The following DCC variants were observed in gnomAD, a reference collection of about 807,000 sequenced individuals.
DCC encodes DCC netrin 1 receptor.
Under a neutral mutation model 172.5 loss-of-function variants are expected in DCC, and 58 were observed. That is an observed-to-expected ratio of 0.34 (90% CI 0.27 to 0.42). The LOEUF is 0.42. Ranked by LOEUF, DCC falls within the 10% of genes least tolerant of loss-of-function variation. The pLI is 1.00. For missense variants in DCC, 1,740 were observed against 1,791.0 expected (o/e 0.97, Z 0.51); for synonymous variants, 709 against 644.5 (o/e 1.10, Z -1.52).
chr18:52,659,561 G>T (rs2035317525), intron 1 of DCC, among the ~76,000 whole-genome samples: 1 of 152,158 alleles, frequency 6.6e-6, no homozygotes, highest in African/African-American at 2.4e-5. Flanking sequence ...AACTCATATA[G>T]TCAGGAACCA....
At chr18:53,214,759 C>T (rs1019207003) in intron 11 of DCC, among the ~76,000 whole-genome samples, 5 of 152,024 alleles carry the variant, frequency 3.3e-5, no homozygotes, top group Non-Finnish European at 7.4e-5. Flanking sequence ...GTTCCTGACA[C>T]ATAAAAGCCA....
At chr18:53,466,855 T>A (rs2045627851) in intron 24 of DCC, among the ~76,000 whole-genome samples, 2 of 152,188 alleles carry the variant, frequency 1.3e-5, no homozygotes, top group Admixed American at 1.3e-4. Flanking sequence ...TTTTATATGA[T>A]TCTGTGTAGT....
At chr18:53,004,006 C>T (rs1669653414) in intron 5 of DCC, among the ~76,000 whole-genome samples, 2 of 152,178 alleles carry the variant, frequency 1.3e-5, no homozygotes, top group African/African-American at 4.8e-5. Context: ...CTATTCACCA[C>T]TACTTGGAAA....
At chr18:53,215,724 A>G (rs2055835971) in intron 12 of DCC, 127 bp downstream of exon 12, 1 of 797,640 alleles carries the variant, frequency 1.3e-6, no homozygotes, top group Admixed American at 1.8e-5. Context: ...GTTCTGGAAC[A>G]ACACAGCAAG....
intron 17 of DCC, among the ~76,000 whole-genome samples, 170 bp from the exon 18 acceptor site, chr18:53,397,138 C>T (rs540630568): frequency 2.6e-5 from 4 of 151,724 alleles, no homozygotes; most frequent in Non-Finnish European, 4.4e-5. Flanking sequence ...AATCAGCCAG[C>T]GTGAACTGGT....
intron 7 of DCC, among the ~76,000 whole-genome samples, chr18:53,140,773 A>T (rs2043818420): frequency 6.6e-6 from 1 of 152,146 alleles, no homozygotes; most frequent in South Asian, 2.1e-4. Flanking sequence ...GGTTTGAGTG[A>T]TTGATTAAAG....
intron 1 of DCC, among the ~76,000 whole-genome samples, chr18:52,750,344 T>G (rs2036975850): frequency 6.6e-6 from 1 of 152,192 alleles, no homozygotes; most frequent in African/African-American, 2.4e-5. Context: ...AAGAACAGGA[T>G]GTACTATAAT....
chr18:53,213,035 A>G (rs778099571), intron 11 of DCC, among the ~76,000 whole-genome samples: 2 of 152,150 alleles, frequency 1.3e-5, no homozygotes, highest in African/African-American at 2.4e-5. Flanking sequence ...AGCTACAGAA[A>G]AAAGAACACA....
At chr18:53,167,719 T>A (rs926218268) in intron 8 of DCC, among the ~76,000 whole-genome samples, 5 of 152,204 alleles carry the variant, frequency 3.3e-5, no homozygotes, top group African/African-American at 1.2e-4. Context: ...TTAAATAATT[T>A]ACAGTGAAGT....
rs546160746 is a variant in DCC, at chr18:53,217,894, G to A, written c.1911+2297G>A. Among the ~76,000 whole-genome samples the A allele has an allele frequency of 4.0e-5, 6 of 151,846 alleles. No individual in the cohort carries two copies. The South Asian group carries it at 1.3e-3, about 32-fold the overall frequency. ...AGGTCTTTCTTTGTTGCCCAGGTTGGAGTGCAGTGACACAACCATGACTTA... is the reference window on the plus strand; with the variant it reads ...AGGTCTTTCTTTGTTGCCCAGGTTGAAGTGCAGTGACACAACCATGACTTA... On this transcript the variant is annotated intron_variant, in intron 12 of 28. Coordinates refer to ENST00000442544, the MANE Select transcript of DCC (RefSeq NM_005215.4).
intron 12 of DCC, among the ~76,000 whole-genome samples, chr18:53,251,671 G>T (rs1380639501): frequency 6.6e-6 from 1 of 151,866 alleles, no homozygotes; most frequent in Non-Finnish European, 1.5e-5. Flanking sequence ...TTGCGTGTGT[G>T]AGTGTGTGTG....
chr18:52,344,646 C>T (rs774520617), intron 1 of DCC, among the ~76,000 whole-genome samples: 18 of 143,006 alleles, frequency 1.3e-4, no homozygotes, highest in Admixed American at 6.9e-5. Context: ...CCTGGTGCGG[C>T]ATGTTTAAAA....
At chr18:53,376,840 A>G (rs1907324266) in intron 15 of DCC, among the ~76,000 whole-genome samples, 1 of 152,178 alleles carries the variant, frequency 6.6e-6, no homozygotes, top group Admixed American at 6.5e-5. Flanking sequence ...CTCAAAATTT[A>G]AGAGTCACTC....
At chr18:53,248,310 A>G (rs1429828483) in intron 12 of DCC, among the ~76,000 whole-genome samples, 1 of 151,764 alleles carries the variant, frequency 6.6e-6, no homozygotes, top group African/African-American at 2.4e-5. Flanking sequence ...GAAATCCTAA[A>G]CCTTTGTCAG....
At chr18:53,168,080 A>C (rs1480226512) in intron 8 of DCC, among the ~76,000 whole-genome samples, 1 of 152,218 alleles carries the variant, frequency 6.6e-6, no homozygotes, top group South Asian at 2.1e-4. Flanking sequence ...ATTGGAGAGG[A>C]TATGGAGAAA....
At chr18:52,969,409 T>A (rs1176919195) in intron 5 of DCC, among the ~76,000 whole-genome samples, 2 of 152,118 alleles carry the variant, frequency 1.3e-5, no homozygotes, top group African/African-American at 4.8e-5. Flanking sequence ...CTGGGTAACG[T>A]CTCAGTGTCA....
intron 1 of DCC, among the ~76,000 whole-genome samples, chr18:52,554,621 C>G (rs748698312): frequency 5.9e-5 from 9 of 152,004 alleles, no homozygotes; most frequent in Non-Finnish European, 1.2e-4. Context: ...TAACACAGAG[C>G]TAATGTGATT....
chr18:52,420,903 T>G (rs770602175), intron 1 of DCC, among the ~76,000 whole-genome samples: 3 of 152,138 alleles, frequency 2.0e-5, no homozygotes, highest in Non-Finnish European at 4.4e-5. Context: ...AATGTGATGG[T>G]AATGTTTAAA....
At chr18:53,181,562 T>C (rs961852538) in intron 9 of DCC, among the ~76,000 whole-genome samples, 4 of 152,128 alleles carry the variant, frequency 2.6e-5, no homozygotes, top group African/African-American at 9.7e-5. Context: ...TATTTTAATA[T>C]AATTAAGTTA....
Sources: allele counts gnomAD v4.1 joint callset (sites outside exome capture counted in the v4.1 genomes callset), GRCh38; gene constraint gnomAD v4.1.1; transcripts MANE v1.5; gene names NCBI Gene and HGNC (gene_info 2026-07-23, HGNC 2026-07-21).